NCAM1: variants seen among roughly 807,000 people sequenced by gnomAD.
NCAM1 encodes the protein antigen recognized by monoclonal antibody 5.1H11.
NCAM1 carries 14 observed loss-of-function variants against 109.8 expected under a neutral mutation model. The observed-to-expected ratio is 0.13, with a 90% CI of 0.08 to 0.20. The LOEUF is 0.20. NCAM1 is among the 10% of genes least tolerant of loss of function. NCAM1 has a pLI of 1.00. For missense variants in NCAM1, 774 were observed against 1,109.9 expected (o/e 0.70, Z 4.30); for synonymous variants, 418 against 442.9 (o/e 0.94, Z 0.70).
chr11:113,039,181 A>G (rs1264429776), intron 1 of NCAM1, among the ~76,000 whole-genome samples: 1 of 152,228 alleles, frequency 6.6e-6, no homozygotes, highest in Non-Finnish European at 1.5e-5. Context: ...TGCATTATGT[A>G]TGATAGGTTG....
At chr11:112,965,170 C>G (rs963879652) in intron 1 of NCAM1, among the ~76,000 whole-genome samples, 1 of 151,356 alleles carries the variant, frequency 6.6e-6, no homozygotes, top group Admixed American at 6.6e-5. Flanking sequence ...ATTGATTAAA[C>G]TAAGAATATG....
intron 1 of NCAM1, among the ~76,000 whole-genome samples, chr11:112,996,000 G>A (rs1555071372): frequency 3.9e-5 from 6 of 152,128 alleles, no homozygotes. Context: ...AACTCCTGGT[G>A]GCATTTGTAC....
chr11:113,042,637 C>G (rs1953118285), intron 1 of NCAM1, among the ~76,000 whole-genome samples: 1 of 152,148 alleles, frequency 6.6e-6, no homozygotes, highest in Non-Finnish European at 1.5e-5. Flanking sequence ...ATGGAATATA[C>G]CCCAGACACA....
At chr11:113,264,449 C>T in intron 17 of NCAM1, 1 of 985,566 alleles carries the variant, frequency 1.0e-6, no homozygotes, top group Non-Finnish European at 1.2e-6. Context: ...TCAACCCAGC[C>T]ACAAAACTCT....
chr11:113,002,974 A>G (rs1951796339), intron 1 of NCAM1, among the ~76,000 whole-genome samples: 1 of 152,274 alleles, frequency 6.6e-6, no homozygotes, highest in Non-Finnish European at 1.5e-5. Context: ...ATAGAATCTT[A>G]TCAATTTCAG....
At chr11:113,069,728 G>A (rs1565417425) in intron 1 of NCAM1, among the ~76,000 whole-genome samples, 1 of 152,200 alleles carries the variant, frequency 6.6e-6, no homozygotes. Context: ...AGGTTTAAGA[G>A]ATTCTTAATA....
At chr11:113,182,826 C>T (rs1348885814) in intron 1 of NCAM1, among the ~76,000 whole-genome samples, 4 of 152,200 alleles carry the variant, frequency 2.6e-5, no homozygotes, top group Admixed American at 1.3e-4. Flanking sequence ...AGGCTTACAG[C>T]GGCAGCCCTC....
At chr11:113,253,450 G>GT (rs139111850) in intron 15 of NCAM1, among the ~76,000 whole-genome samples, 4,276 of 152,190 alleles carry the variant, frequency 0.028, 205 homozygotes, top group African/African-American at 0.098. Flanking sequence ...GGCTGTCACT[G>GT]TTTCACATGA....
chr11:113,085,704 T>C (rs1939050586), intron 1 of NCAM1, among the ~76,000 whole-genome samples: 3 of 152,194 alleles, frequency 2.0e-5, no homozygotes, highest in Admixed American at 6.5e-5. Context: ...TTTTGTCTGC[T>C]GCTCTGCTGC....
In NCAM1 at chr11:112,963,813, G is replaced by A. The variant is rs1950643027; in HGVS notation, c.52+2149G>A. Among the ~76,000 whole-genome samples, 1 of 152,128 alleles carries A rather than the reference G, an allele frequency of 6.6e-6. No individual in the cohort carries two copies. Among genetic ancestry groups the A allele is most frequent in the Admixed American group, 6.5e-5 (1 of 15,278 alleles). ...TATTTGGATCCCGTGGAAGTTGCAG[G>A]CCCAGGAATTCCCACTGGGATGTTC... On this transcript the variant is annotated intron_variant, in intron 1 of 19. Transcript: ENST00000316851. This position sits in a 1 kb window ranked among gnomAD's most constrained non-coding sequence, Gnocchi z 4.6.
intron 9 of NCAM1, among the ~76,000 whole-genome samples, chr11:113,223,940 T>C (rs571705298): frequency 2.0e-5 from 3 of 152,252 alleles, no homozygotes; most frequent in South Asian, 2.1e-4. Context: ...AAAATAGCCC[T>C]GGAGGTAGGG....
At chr11:113,217,932 A>C (rs1944577495) in intron 8 of NCAM1, among the ~76,000 whole-genome samples, 1 of 152,196 alleles carries the variant, frequency 6.6e-6, no homozygotes, top group Non-Finnish European at 1.5e-5. Flanking sequence ...TACTAAAAAT[A>C]TGACACATAC....
intron 9 of NCAM1, among the ~76,000 whole-genome samples, chr11:113,224,328 C>T (rs886636934): frequency 6.6e-6 from 1 of 152,218 alleles, no homozygotes; most frequent in Non-Finnish European, 1.5e-5. Context: ...CGGAGCCTCG[C>T]TCATTGCTAG....
chr11:113,127,364 A>C (rs1555097343), intron 1 of NCAM1, among the ~76,000 whole-genome samples: 1 of 152,216 alleles, frequency 6.6e-6, no homozygotes, highest in Admixed American at 6.5e-5. Flanking sequence ...ATAGGGAGCT[A>C]GAAGACTGTG....
chr11:112,971,476 C>T (rs1251820182), intron 1 of NCAM1, among the ~76,000 whole-genome samples: 2 of 151,960 alleles, frequency 1.3e-5, no homozygotes, highest in Non-Finnish European at 2.9e-5. Context: ...AGCAAAGTTA[C>T]GTATTGAGCA....
chr11:113,183,873 G>T (rs115245614), intron 1 of NCAM1, among the ~76,000 whole-genome samples: 1 of 152,074 alleles, frequency 6.6e-6, no homozygotes, highest in East Asian at 1.9e-4. Context: ...TCTCTTGATC[G>T]TTTAAAATAG....
At chr11:113,167,258 A>G (rs1942835139) in intron 1 of NCAM1, among the ~76,000 whole-genome samples, 2 of 152,164 alleles carry the variant, frequency 1.3e-5, no homozygotes, top group Admixed American at 6.6e-5. Context: ...CTTTGTATGT[A>G]TATATATCTT....
chr11:113,083,429 G>T (rs139454171), intron 1 of NCAM1, among the ~76,000 whole-genome samples: 16 of 152,258 alleles, frequency 1.1e-4, no homozygotes, highest in African/African-American at 3.9e-4. Context: ...ACAGGAAAAA[G>T]GTGTAAAAGT....
At chr11:113,081,450 C>A (rs1555087160) in intron 1 of NCAM1, among the ~76,000 whole-genome samples, 1 of 152,226 alleles carries the variant, frequency 6.6e-6, no homozygotes, top group African/African-American at 2.4e-5. Context: ...CAGAAAGGCA[C>A]TCGCCAAAGG....
Sources: allele counts gnomAD v4.1 joint callset (sites outside exome capture counted in the v4.1 genomes callset), GRCh38; gene constraint gnomAD v4.1.1; non-coding constraint Gnocchi (gnomAD v3.1); transcripts MANE v1.5; gene names NCBI Gene and HGNC (gene_info 2026-07-23, HGNC 2026-07-21).